Variants in LRFN5 observed in about 807,000 individuals in gnomAD.
The protein encoded by LRFN5 is leucine rich repeat and fibronectin type III domain containing 5, also known as leucine-rich repeat and fibronectin type-III domain-containing protein 5.
Under a neutral mutation model 45.6 loss-of-function variants are expected in LRFN5, and 24 were observed. That is an observed-to-expected ratio of 0.53 (90% CI 0.38 to 0.74). The LOEUF is 0.74. LRFN5 is among the 30% of genes least tolerant of loss of function. The probability of loss-of-function intolerance (pLI) is 0.00; values close to 1 mark genes in which losing one functional copy is unlikely to be tolerated. For missense variants in LRFN5, 776 were observed against 861.5 expected (o/e 0.90, Z 1.24); for synonymous variants, 340 against 313.8 (o/e 1.08, Z -0.88).
At chr14:41,638,554 G>A (rs1242181961) in intron 1 of LRFN5, among the ~76,000 whole-genome samples, 1 of 152,076 alleles carries the variant, frequency 6.6e-6, no homozygotes, top group African/African-American at 2.4e-5. Context: ...GGAAAAAGAC[G>A]TTTAAAAATA....
At chr14:41,828,914 C>T (rs944930701) in intron 2 of LRFN5, among the ~76,000 whole-genome samples, 1 of 151,908 alleles carries the variant, frequency 6.6e-6, no homozygotes, top group African/African-American at 2.4e-5. Flanking sequence ...GATCCTTTTT[C>T]AGTTGTTCTA....
intron 2 of LRFN5, among the ~76,000 whole-genome samples, chr14:41,868,966 A>C (rs1271408512): frequency 2.0e-5 from 3 of 152,088 alleles, no homozygotes; most frequent in Non-Finnish European, 4.4e-5. Flanking sequence ...TACGCTAATC[A>C]CTTAATTTGC....
chr14:41,809,856 C>T (rs7145811), intron 2 of LRFN5, among the ~76,000 whole-genome samples: 6,309 of 151,824 alleles, frequency 0.042, 440 homozygotes, highest in African/African-American at 0.14. Flanking sequence ...TGATTTGAGT[C>T]CTTTCCAGAT....
At chr14:41,756,149 T>G (rs529315453) in intron 1 of LRFN5, among the ~76,000 whole-genome samples, 130 of 152,304 alleles carry the variant, frequency 8.5e-4, no homozygotes, top group African/African-American at 2.9e-3. Context: ...TTAGTCTGAT[T>G]GGCTTCCCTT....
At chr14:41,670,355 T>C (rs1594599020) in intron 1 of LRFN5, among the ~76,000 whole-genome samples, 1 of 137,676 alleles carries the variant, frequency 7.3e-6, no homozygotes, top group East Asian at 2.1e-4. Flanking sequence ...TTATTAAAGG[T>C]GATACATGAC....
At chr14:41,659,559 A>G (rs1446975008) in intron 1 of LRFN5, among the ~76,000 whole-genome samples, 1 of 152,110 alleles carries the variant, frequency 6.6e-6, no homozygotes, top group Non-Finnish European at 1.5e-5. Flanking sequence ...TCCTTTGGGT[A>G]TATACCCAGT....
At chr14:41,759,842 T>A (rs1229790041) in intron 1 of LRFN5, among the ~76,000 whole-genome samples, 1 of 152,250 alleles carries the variant, frequency 6.6e-6, no homozygotes, top group Non-Finnish European at 1.5e-5. Context: ...TTTCTAGATA[T>A]TCATTTTCTA....
intron 2 of LRFN5, among the ~76,000 whole-genome samples, chr14:41,783,117 T>C (rs181568160): frequency 6.6e-6 from 1 of 151,902 alleles, no homozygotes; most frequent in Non-Finnish European, 1.5e-5. Context: ...AAAATCTGGG[T>C]ATATTTCAGA....
intron 1 of LRFN5, among the ~76,000 whole-genome samples, chr14:41,717,931 G>C (rs2138762033): frequency 6.6e-6 from 1 of 152,164 alleles, no homozygotes; most frequent in East Asian, 1.9e-4. Flanking sequence ...ACACCCATGG[G>C]CTGGCTCTTC....
At chr14:41,637,684 T>C (rs2138590986) in intron 1 of LRFN5, among the ~76,000 whole-genome samples, 1 of 152,262 alleles carries the variant, frequency 6.6e-6, no homozygotes, top group South Asian at 2.1e-4. Context: ...GTCATTAATA[T>C]TATAGGTTGC....
intron 2 of LRFN5, among the ~76,000 whole-genome samples, chr14:41,877,613 T>TA (rs1890231690): frequency 6.6e-6 from 1 of 151,584 alleles, no homozygotes; most frequent in Non-Finnish European, 1.5e-5. Context: ...TATTTCATGG[T>TA]AAAAATACAT....
Position 41,647,903 on chromosome 14 carries a change from G to T in LRFN5, c.-197+39341G>T, listed in dbSNP as rs544042269. Among the ~76,000 whole-genome samples the T allele has an allele frequency of 4.6e-5, 7 of 152,168 alleles. No individual in the cohort carries two copies. In the East Asian group the frequency reaches 1.4e-3, roughly 29 times the overall value. ...ACAGGAGAGACAATATCTAAACTCA[G>T]GTAATTTTAAGAAGAATAAAGATTA... On this transcript the variant is annotated intron_variant, in intron 1 of 5. Transcript: ENST00000298119.
At chr14:41,725,597 C>T (rs1332531616) in intron 1 of LRFN5, among the ~76,000 whole-genome samples, 1 of 152,094 alleles carries the variant, frequency 6.6e-6, no homozygotes, top group East Asian at 1.9e-4. Context: ...TTAATGTATA[C>T]ATCTTGTACC....
chr14:41,870,339 G>C (rs571143186), intron 2 of LRFN5, among the ~76,000 whole-genome samples: 25 of 152,232 alleles, frequency 1.6e-4, no homozygotes, highest in Middle Eastern at 3.4e-3. Flanking sequence ...CAAAATAACT[G>C]TATTAATCTG....
chr14:41,892,574 A>G, intron 4 of LRFN5: 4 of 980,734 alleles, frequency 4.1e-6, no homozygotes, highest in Non-Finnish European at 4.8e-6. Flanking sequence ...TTCAATGGTA[A>G]TAGTGTTTCC....
chr14:41,675,012 G>A (rs1177869425), intron 1 of LRFN5, among the ~76,000 whole-genome samples: 9 of 151,122 alleles, frequency 6.0e-5, no homozygotes, highest in Non-Finnish European at 1.3e-4. Context: ...ATGGGCGGCC[G>A]GGCAGAGACG....
At chr14:41,889,110 G>GTCTT (rs1555330009) in intron 3 of LRFN5, among the ~76,000 whole-genome samples, 1 of 147,444 alleles carries the variant, frequency 6.8e-6, no homozygotes, top group South Asian at 2.1e-4. Flanking sequence ...ATATATATAT[G>GTCTT]TCTCTATATA....
intron 2 of LRFN5, among the ~76,000 whole-genome samples, chr14:41,775,108 T>TTTTTTTTTTTTTG (rs1886234780): frequency 6.8e-6 from 1 of 147,560 alleles, no homozygotes; most frequent in African/African-American, 2.5e-5. Context: ...TTTTTTTTTT[T>TTTTTTTTTTTTTG]GAGACGGAGT....
chr14:41,771,402 T>C (rs1886084585), intron 2 of LRFN5, among the ~76,000 whole-genome samples: 1 of 151,992 alleles, frequency 6.6e-6, no homozygotes, highest in Admixed American at 6.6e-5. Context: ...ACTTGGCCAG[T>C]TTGCAAATTT....
Sources: allele counts gnomAD v4.1 joint callset (sites outside exome capture counted in the v4.1 genomes callset), GRCh38; gene constraint gnomAD v4.1.1; transcripts MANE v1.5; gene names NCBI Gene and HGNC (gene_info 2026-07-23, HGNC 2026-07-21).